The following NTRK3 variants were observed in gnomAD, a reference collection of about 807,000 sequenced individuals.
NTRK3 encodes the protein neurotrophic receptor tyrosine kinase 3.
NTRK3 carries 24 observed loss-of-function variants against 91.7 expected under a neutral mutation model. The observed-to-expected ratio is 0.26, with a 90% CI of 0.19 to 0.37. NTRK3 has a LOEUF of 0.37. Ranked by LOEUF, NTRK3 falls within the 10% of genes least tolerant of loss-of-function variation. NTRK3 has a pLI of 1.00. For synonymous variants in NTRK3, 483 were observed against 404.0 expected (o/e 1.20, Z -2.34); for missense variants, 880 against 1,068.9 (o/e 0.82, Z 2.46).
chr15:87,983,555 C>T (rs1435879629), intron 14 of NTRK3, among the ~76,000 whole-genome samples: 2 of 152,310 alleles, frequency 1.3e-5, no homozygotes, highest in East Asian at 3.9e-4. Context: ...TATACCTCAA[C>T]ATCCCCAAAA....
chr15:87,970,980 A>C (rs1196672670), intron 14 of NTRK3, among the ~76,000 whole-genome samples: 1 of 152,198 alleles, frequency 6.6e-6, no homozygotes, highest in Non-Finnish European at 1.5e-5. Flanking sequence ...CTGAAAATGC[A>C]CAGTGGGGTT....
chr15:88,195,106 G>A (rs992719188), intron 3 of NTRK3, among the ~76,000 whole-genome samples: 1 of 152,212 alleles, frequency 6.6e-6, no homozygotes, highest in Non-Finnish European at 1.5e-5. Flanking sequence ...TGCCACTGGT[G>A]TCTAGCGGGG....
intron 14 of NTRK3, chr15:87,981,261 A>G (rs1596510280): frequency 2.3e-5 from 36 of 1,595,812 alleles, no homozygotes; most frequent in Non-Finnish European, 3.1e-5. Context: ...CCCACTCTGG[A>G]CCTCAGGTTC....
intron 13 of NTRK3, among the ~76,000 whole-genome samples, chr15:88,116,380 T>C (rs1258493449): frequency 5.3e-5 from 8 of 151,498 alleles, no homozygotes; most frequent in Admixed American, 2.0e-4. Flanking sequence ...AGGTCAGGAG[T>C]TCGAGATCAG....
chr15:88,065,855 T>A (rs2046605568), intron 13 of NTRK3, among the ~76,000 whole-genome samples: 1 of 152,212 alleles, frequency 6.6e-6, no homozygotes, highest in South Asian at 2.1e-4. Context: ...GTATACCCCT[T>A]GTCTGATCCT....
intron 14 of NTRK3, among the ~76,000 whole-genome samples, chr15:88,013,406 A>C (rs1387347733): frequency 2.0e-5 from 3 of 152,228 alleles, no homozygotes; most frequent in Non-Finnish European, 4.4e-5. Flanking sequence ...GAGGATAAGA[A>C]GCCATACACT....
chr15:87,924,861 G>C (rs2068161113), intron 17 of NTRK3, among the ~76,000 whole-genome samples: 1 of 152,120 alleles, frequency 6.6e-6, no homozygotes, highest in Admixed American at 6.5e-5. Context: ...GAACAGAAAG[G>C]AACACTCCTG....
intron 14 of NTRK3, among the ~76,000 whole-genome samples, chr15:87,987,172 T>G (rs1321125205): frequency 6.6e-6 from 1 of 152,240 alleles, no homozygotes; most frequent in Admixed American, 6.5e-5. Context: ...AAGCACATCT[T>G]TGGAAGAGAT....
intron 13 of NTRK3, among the ~76,000 whole-genome samples, chr15:88,066,498 C>A: frequency 6.6e-6 from 1 of 152,176 alleles, no homozygotes; most frequent in East Asian, 1.9e-4. Flanking sequence ...ATTTCGTAGG[C>A]CCTTGAATGA....
rs370371400 is a variant in NTRK3 at position 88,184,212 on chromosome 15, C to T, written c.323+13G>A. 43 of 1,613,696 alleles carry T rather than the reference C, an allele frequency of 2.7e-5. No homozygotes were observed. The highest frequency in any genetic ancestry group is 1.8e-4 in the Admixed American group (11 of 59,982). On this transcript the variant is annotated intron_variant, in intron 4 of 18. Coordinates refer to ENST00000394480, the Ensembl canonical transcript of NTRK3. ...CCACAGGGAAAGGCCTCTCTGTGGC[C>T]GGGTGTACTCACAGCTTTTGAAGTC...
chr15:88,228,449 C>T (rs2050872442), intron 3 of NTRK3, among the ~76,000 whole-genome samples: 1 of 152,158 alleles, frequency 6.6e-6, no homozygotes, highest in East Asian at 1.9e-4. Flanking sequence ...CCATACTACC[C>T]TGTAGTGCAT....
chr15:88,144,331 G>A (rs1002634552), intron 6 of NTRK3, among the ~76,000 whole-genome samples: 11 of 152,228 alleles, frequency 7.2e-5, no homozygotes, highest in African/African-American at 2.7e-4. Context: ...CCCCTGGACA[G>A]AGGGGAAGCT....
intron 3 of NTRK3, among the ~76,000 whole-genome samples, chr15:88,195,633 A>G (rs149031669): frequency 0.01 from 1,556 of 152,352 alleles, 10 homozygotes; most frequent in Middle Eastern, 0.017. Flanking sequence ...TGAGAATCAA[A>G]TCATGTTGAT....
chr15:87,874,974 G>A (rs201759193), exon 19 of NTRK3: 5 of 232,182 alleles, frequency 2.2e-5, no homozygotes, highest in East Asian at 6.1e-5. Flanking sequence ...AACCAGCCTC[G>A]TTGATCCCAA....
intron 14 of NTRK3, among the ~76,000 whole-genome samples, chr15:87,995,850 G>C (rs543233617): frequency 7.0e-4 from 106 of 152,344 alleles, no homozygotes; most frequent in Middle Eastern, 3.4e-3. Context: ...ACATGGCTGA[G>C]TCCCAATAAA....
At chr15:88,158,635 G>C (rs1296320246) in intron 5 of NTRK3, among the ~76,000 whole-genome samples, 2 of 152,236 alleles carry the variant, frequency 1.3e-5, no homozygotes, top group African/African-American at 4.8e-5. Flanking sequence ...TCTGCGGGGT[G>C]GGTGGGCATT....
chr15:88,135,034 C>T, intron 10 of NTRK3, 67 bp downstream of exon 10: 1 of 1,571,528 alleles, frequency 6.4e-7, no homozygotes. Flanking sequence ...TCTCAAGCTA[C>T]CATGCCCCAT....
At chr15:88,036,759 T>C (rs559246915) in intron 13 of NTRK3, among the ~76,000 whole-genome samples, 2 of 152,320 alleles carry the variant, frequency 1.3e-5, no homozygotes, top group African/African-American at 4.8e-5. Context: ...GACCACGGAA[T>C]GCAGGAAGAC....
intron 17 of NTRK3, among the ~76,000 whole-genome samples, chr15:87,893,065 C>T (rs552194840): frequency 3.2e-4 from 49 of 152,226 alleles, no homozygotes; most frequent in African/African-American, 1.1e-3. Flanking sequence ...AGATGTGCAA[C>T]GGACATATAT....
Sources: gnomAD v4.1 joint callset for allele counts (sites outside exome capture counted in the v4.1 genomes callset) on GRCh38, gnomAD v4.1.1 for gene constraint, MANE v1.5 for transcripts, NCBI Gene and HGNC (gene_info 2026-07-23, HGNC 2026-07-21) for gene names.